Variants in GALNTL6 observed in about 807,000 individuals in gnomAD.
GALNTL6 encodes the protein polypeptide N-acetylgalactosaminyltransferase-like 6.
Under a neutral mutation model 73.7 loss-of-function variants are expected in GALNTL6, and 46 were observed. The observed-to-expected ratio is 0.62, with a 90% CI of 0.49 to 0.80. The LOEUF (loss-of-function observed/expected upper bound fraction) is 0.80, where lower values mean the gene tolerates loss of function less well. Among genes scored for constraint, GALNTL6 ranks in the 30% least tolerant of loss-of-function variants. The probability of loss-of-function intolerance (pLI) is 0.00; values close to 1 mark genes in which losing one functional copy is unlikely to be tolerated. For missense variants in GALNTL6, 604 were observed against 755.0 expected (o/e 0.80, Z 2.34); for synonymous variants, 259 against 263.7 (o/e 0.98, Z 0.17).
chr4:171,876,434 A>C (rs1433692140), intron 2 of GALNTL6, among the ~76,000 whole-genome samples: 1 of 152,240 alleles, frequency 6.6e-6, no homozygotes, highest in Non-Finnish European at 1.5e-5. Context: ...GTCTGAATTA[A>C]CTTGATAATT....
At chr4:172,965,580 T>C (rs1348268048) in intron 10 of GALNTL6, among the ~76,000 whole-genome samples, 2 of 149,550 alleles carry the variant, frequency 1.3e-5, no homozygotes, top group African/African-American at 4.9e-5. Context: ...AGACTCTGTC[T>C]CAAAAAAATA....
chr4:172,776,715 G>A (rs74785362), intron 5 of GALNTL6, among the ~76,000 whole-genome samples: 2,072 of 152,220 alleles, frequency 0.014, 52 homozygotes, highest in African/African-American at 0.047. Context: ...GTTGCTTATC[G>A]CTAAGGTGCC....
intron 10 of GALNTL6, among the ~76,000 whole-genome samples, chr4:172,959,999 T>A (rs1257049673): frequency 2.6e-5 from 4 of 152,252 alleles, no homozygotes; most frequent in Non-Finnish European, 5.9e-5. Flanking sequence ...TCTATTATTG[T>A]ACACCTTAAA....
chr4:172,225,769 T>C (rs905567526), intron 2 of GALNTL6, among the ~76,000 whole-genome samples: 1 of 151,690 alleles, frequency 6.6e-6, no homozygotes, highest in Admixed American at 6.6e-5. Context: ...AATAAATAAA[T>C]AAATAAATAA....
chr4:172,684,990 C>G (rs1252826953), intron 5 of GALNTL6, among the ~76,000 whole-genome samples: 1 of 152,072 alleles, frequency 6.6e-6, no homozygotes. Flanking sequence ...ACTCATGACA[C>G]TTTTTAGTAT....
At chr4:172,364,976 T>A (rs1244080166) in intron 5 of GALNTL6, among the ~76,000 whole-genome samples, 1 of 152,200 alleles carries the variant, frequency 6.6e-6, no homozygotes, top group Non-Finnish European at 1.5e-5. Flanking sequence ...TAGGTGCTTG[T>A]TTTTGTCACT....
At chr4:172,262,028 T>A (rs1440558498) in intron 3 of GALNTL6, among the ~76,000 whole-genome samples, 1 of 151,452 alleles carries the variant, frequency 6.6e-6, no homozygotes, top group African/African-American at 2.4e-5. Context: ...ACAATTTTGT[T>A]TTTAATGGCT....
chr4:172,193,377 G>A (rs1219161829), intron 2 of GALNTL6, among the ~76,000 whole-genome samples: 1 of 152,204 alleles, frequency 6.6e-6, no homozygotes, highest in Non-Finnish European at 1.5e-5. Context: ...AGGTGCAGGA[G>A]GAACCCAGGA....
intron 7 of GALNTL6, among the ~76,000 whole-genome samples, chr4:172,860,622 C>T (rs1375387180): frequency 2.0e-5 from 3 of 152,044 alleles, no homozygotes; most frequent in African/African-American, 7.2e-5. Context: ...ACTAGGAAAA[C>T]TAATAAAGAT....
rs868686442 is a variant in GALNTL6, at chr4:172,156,937, C to G, written c.139-72719C>G. On this transcript the variant is annotated intron_variant, in intron 2 of 12. Coordinates refer to ENST00000506823, the MANE Select transcript of GALNTL6 (RefSeq NM_001034845.3). ...TATATGCTTATTATATACTTGTTTTCCTGTAATCAGCTGGAGAGAGTATGT... is the reference window on the plus strand; with the variant it reads ...TATATGCTTATTATATACTTGTTTTGCTGTAATCAGCTGGAGAGAGTATGT... Among the ~76,000 whole-genome samples, 4 of 152,152 alleles carry G rather than the reference C, an allele frequency of 2.6e-5. 1 individual carries two copies. Among genetic ancestry groups the G allele is most frequent in the Middle Eastern group, 6.8e-3 (2 of 294 alleles).
intron 5 of GALNTL6, among the ~76,000 whole-genome samples, chr4:172,532,521 C>T (rs1409094539): frequency 6.6e-6 from 1 of 152,188 alleles, no homozygotes; most frequent in Non-Finnish European, 1.5e-5. Flanking sequence ...TAATTTGTTA[C>T]TGCAGCCACA....
At chr4:172,828,013 T>C (rs1355995860) in intron 7 of GALNTL6, among the ~76,000 whole-genome samples, 1 of 152,118 alleles carries the variant, frequency 6.6e-6, no homozygotes, top group Non-Finnish European at 1.5e-5. Context: ...GGCTCACGCC[T>C]GTAATCCCAG....
intron 5 of GALNTL6, among the ~76,000 whole-genome samples, chr4:172,444,885 C>T (rs1003090272): frequency 6.6e-6 from 1 of 152,062 alleles, no homozygotes; most frequent in Non-Finnish European, 1.5e-5. Context: ...CACCAATTAT[C>T]CACCTTCCTA....
rs1343492041 is a variant in GALNTL6, at chr4:172,264,576, A to G, written c.247+34812A>G. ...GCCAAATATATATATATATATATAT[A>G]TATATATATATATATATTTGGCATA... is the stretch of plus-strand genomic sequence containing the variant. On this transcript the variant is annotated intron_variant, in intron 3 of 12. Coordinates refer to ENST00000506823, the MANE Select transcript of GALNTL6 (RefSeq NM_001034845.3). Among the ~76,000 whole-genome samples, 21 of 114,546 alleles carry G rather than the reference A, an allele frequency of 1.8e-4. 2 individuals are homozygous for G. The highest frequency in any genetic ancestry group is 3.3e-4 in the Non-Finnish European group (19 of 56,822). 75.1% of individuals were successfully genotyped at this position (114,546 alleles called of 152,430 possible).
At chr4:172,823,895 T>A (rs1393409134) in intron 7 of GALNTL6, among the ~76,000 whole-genome samples, 2 of 152,172 alleles carry the variant, frequency 1.3e-5, no homozygotes, top group Admixed American at 1.3e-4. Flanking sequence ...TTCAGTTCTG[T>A]CCTTTTCTAA....
At chr4:172,513,040 A>C (rs770216303) in intron 5 of GALNTL6, among the ~76,000 whole-genome samples, 1 of 152,194 alleles carries the variant, frequency 6.6e-6, no homozygotes, top group Non-Finnish European at 1.5e-5. Context: ...TTAGTCCCTC[A>C]AATTTGGTTT....
At chr4:172,849,053 T>C (rs1053826333) in intron 7 of GALNTL6, among the ~76,000 whole-genome samples, 2 of 152,012 alleles carry the variant, frequency 1.3e-5, no homozygotes, top group Non-Finnish European at 2.9e-5. Flanking sequence ...CCCCATCCCC[T>C]GAAAGCAACT....
At chr4:171,855,660 G>C (rs1000124463) in intron 2 of GALNTL6, among the ~76,000 whole-genome samples, 1 of 152,154 alleles carries the variant, frequency 6.6e-6, no homozygotes, top group East Asian at 1.9e-4. Context: ...TATGGTAAGA[G>C]AATGTGTAGA....
intron 2 of GALNTL6, among the ~76,000 whole-genome samples, chr4:171,975,908 A>G (rs941702752): frequency 6.6e-6 from 1 of 150,900 alleles, no homozygotes; most frequent in African/African-American, 2.4e-5. Context: ...CACAAAATGT[A>G]TGTGGAGTAT....
Sources: allele counts gnomAD v4.1 joint callset (sites outside exome capture counted in the v4.1 genomes callset), GRCh38; gene constraint gnomAD v4.1.1; transcripts MANE v1.5; gene names NCBI Gene and HGNC (gene_info 2026-07-23, HGNC 2026-07-21).